Variants in RHOQ observed in about 807,000 individuals in gnomAD.
RHOQ encodes ras homolog family member Q.
A neutral mutation model predicts 25.8 loss-of-function variants in RHOQ; 7 were observed. The ratio of observed to expected loss-of-function variants is 0.27; its 90% CI spans 0.15 to 0.51. The LOEUF (loss-of-function observed/expected upper bound fraction) is 0.51, where lower values mean the gene tolerates loss of function less well. Among genes scored for constraint, RHOQ ranks in the 20% least tolerant of loss-of-function variants. The probability of loss-of-function intolerance (pLI) is 0.97; values close to 1 mark genes in which losing one functional copy is unlikely to be tolerated. For missense variants in RHOQ, 165 were observed against 260.6 expected, an observed-to-expected ratio of 0.63 and a Z score of 2.53; for synonymous variants, 97 against 98.6, an observed-to-expected ratio of 0.98 and a Z score of 0.10.
intron 4 of RHOQ, among the ~76,000 whole-genome samples, chr2:46,578,483 G>A (rs374805897): frequency 2.9e-5 from 4 of 139,532 alleles, no homozygotes; most frequent in South Asian, 2.3e-4. Context: ...TGTAATCCCC[G>A]CACCTTGGAA....
intron 2 of RHOQ, chr2:46,568,768 C>G (rs1000603724): frequency 1.3e-5 from 2 of 152,128 alleles, no homozygotes; most frequent in Non-Finnish European, 2.9e-5. Context: ...TAGCTGAGAG[C>G]CCTGTGCCTA....
rs1156561810 is a variant in RHOQ at position 46,581,608 on chromosome 2, T to C, written c.*525T>C. 1.2e-6 allele frequency: 2 copies of C among 1,607,836 alleles called. No individual in the cohort carries two copies. The highest frequency in any genetic ancestry group is 2.2e-5 in the East Asian group (1 of 44,790). The stretch of plus-strand genomic sequence containing the variant: ...GGGCCATACCTGAGGAGAGAATGTA[T>C]GAGATCAAAAAAGAACAAATGTTTT... On this transcript the variant is annotated 3_prime_UTR_variant, in exon 5 of 5. Transcript: ENST00000238738.
chr2:46,560,435 A>G, intron 2 of RHOQ: 1 of 352,608 alleles, frequency 2.8e-6, no homozygotes, highest in African/African-American at 2.1e-5. Context: ...AGTTAGAAAC[A>G]TAAATATGAA....
At chr2:46,543,649 G>T (rs957592215) in intron 1 of RHOQ, 105 bp from the exon 2 acceptor site, 12 of 953,304 alleles carry the variant, frequency 1.3e-5, no homozygotes, top group Non-Finnish European at 1.8e-5. Flanking sequence ...GCGCCCCCAC[G>T]CCTCTAGCTG....
At chr2:46,573,170 TCTC>T (rs1458197072) in intron 2 of RHOQ, among the ~76,000 whole-genome samples, 5 of 151,992 alleles carry the variant, frequency 3.3e-5, no homozygotes, top group African/African-American at 1.2e-4. Context: ...TTCAAGTGAT[TCTC>T]CTGCCTCAGC....
chr2:46,566,569 C>T lies in RHOQ; in HGVS notation c.202-9518C>T, dbSNP rs1261340256. Reference sequence around the variant, plus strand: ...CCCTTATAAGCCTGACTGCCTAATTCATTCTTCTCAAAGTAGCCTGGATTA... The same window carrying T: ...CCCTTATAAGCCTGACTGCCTAATTTATTCTTCTCAAAGTAGCCTGGATTA... On this transcript the variant is annotated intron_variant, in intron 2 of 4. Coordinates refer to ENST00000238738, the MANE Select transcript of RHOQ (RefSeq NM_012249.4). The surrounding 1 kb of genome is among the most constrained non-coding windows in gnomAD (Gnocchi z 4.2). 6.6e-6 allele frequency among the ~76,000 whole-genome samples: 1 copy of T among 152,178 alleles called. No homozygotes were observed. The highest frequency in any genetic ancestry group is 1.5e-5 in the Non-Finnish European group (1 of 68,034).
intron 2 of RHOQ, among the ~76,000 whole-genome samples, chr2:46,570,257 G>A (rs1039607854): frequency 2.0e-5 from 3 of 152,180 alleles, no homozygotes; most frequent in East Asian, 1.9e-4. Flanking sequence ...TGGCTAACAC[G>A]GTGAACACCC....
At chr2:46,547,521 G>A (rs944231024) in intron 2 of RHOQ, among the ~76,000 whole-genome samples, 3 of 152,244 alleles carry the variant, frequency 2.0e-5, no homozygotes, top group Non-Finnish European at 4.4e-5. Context: ...AGCACACTCA[G>A]AGCACCACTG....
intron 2 of RHOQ, among the ~76,000 whole-genome samples, chr2:46,558,255 T>A (rs966080116): frequency 6.6e-6 from 1 of 152,222 alleles, no homozygotes; most frequent in Non-Finnish European, 1.5e-5. Context: ...CCTCTATCTC[T>A]TGTATTAGAT....
chr2:46,572,543 G>C (rs954614463), intron 2 of RHOQ, among the ~76,000 whole-genome samples: 6 of 152,174 alleles, frequency 3.9e-5, no homozygotes, highest in African/African-American at 1.4e-4. Context: ...AGAAGCTAAA[G>C]AGTCTGCCAT....
Position 46,576,326 on chromosome 2 carries a change from G to C in RHOQ, c.366+75G>C. The C allele has an allele frequency of 7.9e-7, 1 of 1,264,304 alleles. No individual in the cohort carries two copies. Among genetic ancestry groups the C allele is most frequent in the Non-Finnish European group, 1.1e-6 (1 of 899,888 alleles). 78.3% of individuals were successfully genotyped at this position (1,264,304 alleles called of 1,614,324 possible). ...CGTAGAGGCTGCTCTCAGACAAACA[G>C]TCCCAAAGCTGAGCAAATGATGTAA... On this transcript the variant is annotated intron_variant, in intron 3 of 4. Coordinates refer to ENST00000238738, the MANE Select transcript of RHOQ (RefSeq NM_012249.4). This position sits in a 1 kb window ranked among gnomAD's most constrained non-coding sequence, Gnocchi z 5.1.
rs1572762499 is a variant in RHOQ, at chr2:46,581,680, C to T, written c.*597C>T. ...TAACCTAAATATTTCTATATTAAAG[C>T]TTAATGTGCTTTCTTAAAGAATGCC... On this transcript the variant is annotated 3_prime_UTR_variant, in exon 5 of 5. Coordinates refer to ENST00000238738, the MANE Select transcript of RHOQ (RefSeq NM_012249.4). 6.7e-7 allele frequency: 1 copy of T among 1,483,256 alleles called. No individual in the cohort carries two copies. Among genetic ancestry groups the T allele is most frequent in the Non-Finnish European group, 9.0e-7 (1 of 1,105,182 alleles). The allele number at this position is 1,483,256 out of a possible 1,614,324, so 91.9% of individuals were successfully genotyped here.
chr2:46,557,623 A>T (rs1040980846), intron 2 of RHOQ, among the ~76,000 whole-genome samples: 6 of 152,168 alleles, frequency 3.9e-5, no homozygotes, highest in Non-Finnish European at 8.8e-5. Context: ...GTGTTCCCTA[A>T]TTTTTTTAAA....
Position 46,569,963 on chromosome 2 carries a change from G to C in RHOQ, c.202-6124G>C, listed in dbSNP as rs895786505. Among the ~76,000 whole-genome samples the C allele has an allele frequency of 1.3e-5, 2 of 152,150 alleles. No homozygotes were observed. Among genetic ancestry groups the C allele is most frequent in the Non-Finnish European group, 2.9e-5 (2 of 68,020 alleles). On this transcript the variant is annotated intron_variant, in intron 2 of 4. Transcript: ENST00000238738. This position sits in a 1 kb window ranked among gnomAD's most constrained non-coding sequence, Gnocchi z 4.1. ...GCTGGGAGGTAGTAGGAAGTGGTAG[G>C]CAAATTCAGTAAACTCATCACTGGT...
intron 2 of RHOQ, among the ~76,000 whole-genome samples, chr2:46,550,224 G>A (rs1202187091): frequency 2.0e-5 from 3 of 150,734 alleles, no homozygotes; most frequent in East Asian, 3.9e-4. Context: ...GCATTAGAGC[G>A]AGACCGTGTT....
chr2:46,551,808 G>A (rs1278988573), intron 2 of RHOQ, among the ~76,000 whole-genome samples: 2 of 152,184 alleles, frequency 1.3e-5, no homozygotes, highest in Non-Finnish European at 2.9e-5. Flanking sequence ...ATCATCAAAT[G>A]ACATTTTTAC....
intron 2 of RHOQ, among the ~76,000 whole-genome samples, chr2:46,571,360 G>C (rs1416674196): frequency 1.3e-5 from 2 of 152,206 alleles, no homozygotes; most frequent in Non-Finnish European, 2.9e-5. Context: ...CTAGGCTGTG[G>C]CTTGGAGGTC....
chr2:46,553,754 A>AT (rs35782944), intron 2 of RHOQ, among the ~76,000 whole-genome samples: 82,121 of 151,712 alleles, frequency 0.54, 23,127 homozygotes, highest in East Asian at 0.69. Context: ...TAATTTTGGT[A>AT]TTTTAGTAGA....
At chr2:46,572,571 C>T (rs987521926) in intron 2 of RHOQ, among the ~76,000 whole-genome samples, 5 of 152,196 alleles carry the variant, frequency 3.3e-5, no homozygotes, top group African/African-American at 1.2e-4. Context: ...AACAGCCATG[C>T]TGACTAAACT....
Sources: allele counts gnomAD v4.1 joint callset (sites outside exome capture counted in the v4.1 genomes callset), GRCh38; gene constraint gnomAD v4.1.1; non-coding constraint Gnocchi (gnomAD v3.1); transcripts MANE v1.5; gene names NCBI Gene and HGNC (gene_info 2026-07-23, HGNC 2026-07-21).